MICAL1: variants seen among roughly 807,000 people sequenced by gnomAD.
The protein encoded by MICAL1 is [F-actin]-monooxygenase MICAL1.
Under a neutral mutation model 131.8 loss-of-function variants are expected in MICAL1, and 95 were observed. The observed-to-expected ratio is 0.72, with a 90% CI of 0.61 to 0.86. MICAL1 has a LOEUF of 0.86. Ranked by LOEUF, MICAL1 falls within the 40% of genes least tolerant of loss-of-function variation. The probability of loss-of-function intolerance (pLI) is 0.00; values close to 1 mark genes in which losing one functional copy is unlikely to be tolerated. For missense variants in MICAL1, 1,292 were observed against 1,380.6 expected (o/e 0.94, Z 1.02); for synonymous variants, 546 against 554.2 (o/e 0.99, Z 0.21).
chr6:109,451,600 C>G lies in MICAL1; in HGVS notation c.933G>C (p.Gln311His). ...QCLLRLGVLRQDWPDTNRLLG... is the reference protein window; with the variant it reads ...QCLLRLGVLRHDWPDTNRLLG... ...TCTCCTGGCCAGGACTGGGCCTCAC[C>G]TGGCGCAGCACCCCCAGCCGCAGCA... The change falls in exon 7 of 25, where the codon CAG (glutamine) becomes CAC (histidine). Residue 311 changes from glutamine to histidine, a missense_variant and splice_region_variant. By Grantham distance (24) the Gln-to-His change is conservative. Transcript: ENST00000358807. The G allele has an allele frequency of 1.2e-5, 19 of 1,613,814 alleles. No individual in the cohort carries two copies. The highest frequency in any genetic ancestry group is 1.5e-5 in the Non-Finnish European group (18 of 1,179,938).
intron 1 of MICAL1, among the ~76,000 whole-genome samples, chr6:109,461,176 A>G (rs955502442): frequency 7.1e-6 from 1 of 141,166 alleles, no homozygotes; most frequent in African/African-American, 2.7e-5. Context: ...TCATTGTTCA[A>G]TTCCCATCTA....
intron 24 of MICAL1, 83 bp from the exon 25 acceptor site, chr6:109,444,422 T>C (rs1775114716): frequency 6.3e-7 from 1 of 1,580,042 alleles, no homozygotes; most frequent in South Asian, 1.1e-5. Flanking sequence ...GCCTATGTGA[T>C]TTCTATAACC....
chr6:109,456,073 T>C, upstream of MICAL1: 1 of 971,366 alleles, frequency 1.0e-6, no homozygotes, highest in Non-Finnish European at 1.2e-6. Flanking sequence ...GGGTCTGGCC[T>C]GTTGGGGGCT....
Position 109,444,290 on chromosome 6 carries a change from C to T in MICAL1, c.3105G>A (p.Arg1035=), listed in dbSNP as rs1775105796. Residue 1035 remains arginine, a synonymous_variant, in exon 25 of 25, where the codon AGG becomes AGA. Coordinates refer to ENST00000358807, the MANE Select transcript of MICAL1 (RefSeq NM_022765.4). ...TCTGGTTGACCAAATCCACCAGCTTCCTCAGGACCTGGTCCTCAGCCTGCC... is the reference window on the plus strand; with the variant it reads ...TCTGGTTGACCAAATCCACCAGCTTTCTCAGGACCTGGTCCTCAGCCTGCC... ...ADRQAEDQVL[R]KLVDLVNQRD... is the part of the protein sequence containing the mutation. 6.2e-7 allele frequency: 1 copy of T among 1,613,458 alleles called. No individual in the cohort carries two copies. The highest frequency in any genetic ancestry group is 1.7e-5 in the Admixed American group (1 of 60,004).
chr6:109,453,388 G>A (rs370775736), intron 3 of MICAL1, 21 bp from the exon 4 acceptor site: 1 of 1,610,074 alleles, frequency 6.2e-7, no homozygotes, highest in Non-Finnish European at 8.5e-7. Context: ...GAGGACATTA[G>A]GAACAGGGAC....
In MICAL1 at chr6:109,445,532, A is replaced by G. The variant is rs1775173170; in HGVS notation, c.2674-3T>C. On this transcript the variant is annotated splice_region_variant and splice_polypyrimidine_tract_variant and intron_variant, in intron 20 of 24. Transcript: ENST00000358807. ...GTCTTGGCAAAGGTCTGCAGGGCCT[A>G]TAGGAGGGTCAGGCCAGTCAGGGAT... is the stretch of plus-strand genomic sequence containing the variant. 2.5e-6 allele frequency: 4 copies of G among 1,614,030 alleles called. No homozygotes were observed. Among genetic ancestry groups the G allele is most frequent in the Non-Finnish European group, 2.5e-6 (3 of 1,180,000 alleles).
At chr6:109,465,569 G>T in intron 1 of MICAL1, 1 of 1,311,126 alleles carries the variant, frequency 7.6e-7, no homozygotes, top group Non-Finnish European at 1.0e-6. Flanking sequence ...TGAGATCAAT[G>T]CCCCCAAAGA....
chr6:109,450,648 C>G (rs1775502445), intron 7 of MICAL1, 91 bp from the exon 8 acceptor site: 2 of 1,424,650 alleles, frequency 1.4e-6, no homozygotes, highest in Non-Finnish European at 1.9e-6. Context: ...GGTGCACATC[C>G]TGGGGCCCAG....
chr6:109,455,852 G>A, upstream of MICAL1: 17 of 985,656 alleles, frequency 1.7e-5, no homozygotes, highest in Non-Finnish European at 2.0e-5. This position sits in a 1 kb window ranked among gnomAD's most constrained non-coding sequence, Gnocchi z 4.7. Flanking sequence ...GGGGCGGCCC[G>A]GGGCGTGCGC....
upstream of MICAL1, among the ~76,000 whole-genome samples, chr6:109,457,918 T>C (rs887833372): frequency 1.3e-5 from 2 of 152,226 alleles, no homozygotes; most frequent in African/African-American, 4.8e-5. Flanking sequence ...GAAGGTCTGG[T>C]TGGATTCCAG....
intron 5 of MICAL1, 40 bp from the exon 6 acceptor site, chr6:109,452,441 G>T (rs774823665): frequency 6.2e-7 from 1 of 1,611,690 alleles, no homozygotes; most frequent in Non-Finnish European, 8.5e-7. Flanking sequence ...GGAGGAGGGG[G>T]TTATAACAAT....
At chr6:109,464,420 AG>A (rs1180670576) in intron 1 of MICAL1, 1 of 152,220 alleles carries the variant, frequency 6.6e-6, no homozygotes, top group Non-Finnish European at 1.5e-5. Flanking sequence ...ATTTTAGAGT[AG>A]ATTACCCCCT....
chr6:109,447,477 G>T (rs781429218), intron 15 of MICAL1, 37 bp from the exon 16 acceptor site: 1 of 1,591,334 alleles, frequency 6.3e-7, no homozygotes, highest in East Asian at 2.2e-5. Context: ...AGGGTAGAGG[G>T]GCAGGGCCAG....
intron 1 of MICAL1, 58 bp from the exon 2 acceptor site, chr6:109,454,297 G>C: frequency 2.0e-6 from 3 of 1,469,030 alleles, no homozygotes; most frequent in Non-Finnish European, 2.7e-6. Flanking sequence ...TAAAAAGGAA[G>C]GGGAGGCGAA....
intron 9 of MICAL1, 86 bp downstream of exon 9, chr6:109,449,884 G>A (rs947216): frequency 0.032 from 50,689 of 1,586,032 alleles, 1,077 homozygotes; most frequent in Non-Finnish European, 0.04. Flanking sequence ...CTATTCCTCC[G>A]TCTATTCACT....
chr6:109,444,123 CAG>C lies in MICAL1; in HGVS notation c.*66_*67del. ...CTCTCTGCCAGGCAGCCCAGATGAA[CAG>C]GGGTGGCACTGTGCTGGGGTGAGGT... is the stretch of plus-strand genomic sequence containing the variant. On this transcript the variant is annotated 3_prime_UTR_variant, in exon 25 of 25. Coordinates refer to ENST00000358807, the MANE Select transcript of MICAL1 (RefSeq NM_022765.4). 3 of 1,556,546 alleles carry C rather than the reference CAG, an allele frequency of 1.9e-6. No individual in the cohort carries two copies. Among genetic ancestry groups the C allele is most frequent in the South Asian group, 1.2e-5 (1 of 85,948 alleles).
intron 11 of MICAL1, chr6:109,449,084 G>GT: frequency 1.4e-6 from 1 of 732,654 alleles, no homozygotes; most frequent in East Asian, 2.7e-5. Context: ...AAGTAGAGGA[G>GT]TGAATAAAGT....
rs200923926 is a variant in MICAL1 at position 109,447,145 on chromosome 6, G to C, written c.2155C>G (p.Arg719Gly). ...RLCVNGHFFH[R>G]SCFRCHTCEA... Reference sequence around the variant, plus strand: ...CAGGTATGGCAGCGGAAGCAGCTCCGGTGGAAGAAATGGCCGTTGACACAG... The same window carrying C: ...CAGGTATGGCAGCGGAAGCAGCTCCCGTGGAAGAAATGGCCGTTGACACAG... The change falls in exon 17 of 25, where the codon CGG becomes GGG. Residue 719 changes from arginine (R) to glycine (G), a missense_variant. By Grantham distance (125) the Arg-to-Gly change is moderately radical. Coordinates refer to ENST00000358807, the MANE Select transcript of MICAL1 (RefSeq NM_022765.4). The C allele has an allele frequency of 6.8e-6, 11 of 1,614,064 alleles. No individual in the cohort carries two copies. The South Asian group carries it at 9.9e-5, about 14-fold the overall frequency.
Position 109,446,707 on chromosome 6 carries a change from G to C in MICAL1, c.2293C>G (p.Pro765Ala), listed in dbSNP as rs754537800. 6.2e-7 allele frequency: 1 copy of C among 1,613,712 alleles called. No individual in the cohort carries two copies. Among genetic ancestry groups the C allele is most frequent in the Admixed American group, 1.7e-5 (1 of 59,974 alleles). ...CCTTCAGTCTTTACCGGACTCTCAG[G>C]GCCTCTATCGCTGCCTTCCGCTTTG... ...DHKAEGSDRGPESPELPTPSE... is the reference protein window; with the variant it reads ...DHKAEGSDRGAESPELPTPSE... Residue 765 changes from proline (P) to alanine (A), a missense_variant, in exon 18 of 25, where the codon CCT becomes GCT. Coordinates refer to ENST00000358807, the MANE Select transcript of MICAL1 (RefSeq NM_022765.4).
Sources: allele counts gnomAD v4.1 joint callset (sites outside exome capture counted in the v4.1 genomes callset), GRCh38; gene constraint gnomAD v4.1.1; non-coding constraint Gnocchi (gnomAD v3.1); transcripts MANE v1.5; gene names NCBI Gene and HGNC (gene_info 2026-07-23, HGNC 2026-07-21).